Variants in PTPRF observed in about 807,000 individuals in gnomAD.
The protein encoded by PTPRF is protein tyrosine phosphatase receptor type F.
Under a neutral mutation model 201.8 loss-of-function variants are expected in PTPRF, and 59 were observed. That is an observed-to-expected ratio of 0.29 (90% confidence interval 0.24 to 0.36). PTPRF has a LOEUF of 0.36. Ranked by LOEUF, PTPRF falls within the 10% of genes least tolerant of loss-of-function variation. PTPRF has a pLI of 1.00. For missense variants in PTPRF, 2,132 were observed against 2,690.5 expected (o/e 0.79, Z 4.59); for synonymous variants, 1,088 against 1,089.7 (o/e 1.00, Z 0.03).
intron 11 of PTPRF, among the ~76,000 whole-genome samples, chr1:43,593,450 C>T (rs1013928947): frequency 2.6e-5 from 4 of 152,086 alleles, no homozygotes; most frequent in Non-Finnish European, 5.9e-5. Context: ...TGCTGCTGGG[C>T]GTCCTGTGTG....
At chr1:43,568,107 C>A (rs532385097) in intron 5 of PTPRF, among the ~76,000 whole-genome samples, 12 of 152,082 alleles carry the variant, frequency 7.9e-5, no homozygotes, top group African/African-American at 2.4e-4. Context: ...CCCAGCCTGG[C>A]CAACATGGTG....
upstream of PTPRF, among the ~76,000 whole-genome samples, chr1:43,524,612 G>T (rs565913860): frequency 3.9e-5 from 6 of 152,272 alleles, no homozygotes; most frequent in East Asian, 1.2e-3. Flanking sequence ...CAGGGAAGGA[G>T]GGGACAATGG....
rs146782186 is a variant in PTPRF at position 43,586,949 on chromosome 1, A to G, written c.680-1782A>G. On this transcript the variant is annotated intron_variant, in intron 7 of 33. Transcript: ENST00000359947. The stretch of plus-strand genomic sequence containing the variant: ...GGTAGAAGTGGTTTCCTTAAAGACA[A>G]TGGGAATGCTCATTGATTTGAGGAG... Among the ~76,000 whole-genome samples, 362 of 152,320 alleles carry G rather than the reference A, an allele frequency of 2.4e-3. 3 individuals are homozygous for G. Among genetic ancestry groups the G allele is most frequent in the Non-Finnish European group, 2.8e-3 (193 of 68,014 alleles).
upstream of PTPRF, among the ~76,000 whole-genome samples, chr1:43,523,737 A>G (rs1175479636): frequency 6.6e-6 from 1 of 152,200 alleles, no homozygotes; most frequent in Non-Finnish European, 1.5e-5. Flanking sequence ...AATGGCAAAC[A>G]GAACACTCTT....
At chr1:43,531,558 G>C (rs1168705803) in intron 1 of PTPRF, among the ~76,000 whole-genome samples, 100 of 147,264 alleles carry the variant, frequency 6.8e-4, no homozygotes, top group Non-Finnish European at 1.1e-3. Flanking sequence ...CGCCCCCGCC[G>C]CACAGGCGCC....
chr1:43,545,809 T>G (rs1250740105), intron 3 of PTPRF, among the ~76,000 whole-genome samples: 1 of 152,140 alleles, frequency 6.6e-6, no homozygotes. Flanking sequence ...CTGTGTGTGT[T>G]TGTGTTGGAG....
At chr1:43,570,319 C>A (rs928476324) in intron 6 of PTPRF, among the ~76,000 whole-genome samples, 13 of 152,230 alleles carry the variant, frequency 8.5e-5, no homozygotes, top group Non-Finnish European at 1.6e-4. Context: ...GCAAGGATGC[C>A]ATCGTGCAGG....
Position 43,554,182 on chromosome 1 carries a change from C to G in PTPRF, c.379+241C>G, listed in dbSNP as rs532074815. ...TTTGTATTCTCCTGCTGAGCCGGGT[C>G]GTTGGTTGGGTGGGGTCTGGGGTCT... On this transcript the variant is annotated intron_variant, in intron 5 of 33. Transcript: ENST00000359947. This position sits in a 1 kb window ranked among gnomAD's most constrained non-coding sequence, Gnocchi z 4.1. Among the ~76,000 whole-genome samples, 5 of 152,110 alleles carry G rather than the reference C, an allele frequency of 3.3e-5. No homozygotes were observed. The highest frequency in any genetic ancestry group is 1.2e-4 in the African/African-American group (5 of 41,410).
At chr1:43,563,790 G>A (rs1645972428) in intron 5 of PTPRF, among the ~76,000 whole-genome samples, 1 of 152,182 alleles carries the variant, frequency 6.6e-6, no homozygotes. Context: ...GGGAGTGAAT[G>A]GATGACAAGA....
In PTPRF at chr1:43,553,349, G is replaced by T. The variant is rs780830525; in HGVS notation, c.92-143G>T. The stretch of plus-strand genomic sequence containing the variant: ...TGTTAAACTCTCTGAACAGTGCCTG[G>T]CACATACTAAGCGCTACATAAAGGT... On this transcript the variant is annotated intron_variant, in intron 3 of 33. Transcript: ENST00000359947. This position sits in a 1 kb window ranked among gnomAD's most constrained non-coding sequence, Gnocchi z 4.1. The T allele has an allele frequency of 1.2e-4, 109 of 901,660 alleles. No homozygotes were observed. In the Middle Eastern group the frequency reaches 1.6e-3, roughly 13 times the overall value. 55.9% of individuals were successfully genotyped at this position (901,660 alleles called of 1,614,324 possible).
At chr1:43,587,436 T>G (rs1450495092) in intron 7 of PTPRF, among the ~76,000 whole-genome samples, 1 of 152,190 alleles carries the variant, frequency 6.6e-6, no homozygotes, top group East Asian at 1.9e-4. Flanking sequence ...CCTGGTGACT[T>G]GCTGAATGTC....
chr1:43,602,988 A>G (rs527405219), intron 14 of PTPRF, among the ~76,000 whole-genome samples: 1 of 152,264 alleles, frequency 6.6e-6, no homozygotes, highest in African/African-American at 2.4e-5. Context: ...CTGTGCATGC[A>G]TGCACTGGTG....
intron 10 of PTPRF, 139 bp downstream of exon 10, chr1:43,592,087 G>A (rs978113150): frequency 1.1e-5 from 13 of 1,225,510 alleles, no homozygotes; most frequent in Non-Finnish European, 1.3e-5. Context: ...AGGCTTAGTG[G>A]TGCATGCGTG....
At chr1:43,526,661 A>G (rs1210867860), upstream of PTPRF, among the ~76,000 whole-genome samples, 1 of 152,158 alleles carries the variant, frequency 6.6e-6, no homozygotes, top group Non-Finnish European at 1.5e-5. Context: ...ACCTGCCCCC[A>G]GAAGAAAGTG....
At chr1:43,558,463 C>T (rs372419917) in intron 5 of PTPRF, among the ~76,000 whole-genome samples, 1 of 152,118 alleles carries the variant, frequency 6.6e-6, no homozygotes, top group Non-Finnish European at 1.5e-5. Context: ...CCAGTGTGGC[C>T]TCCCCTTGAC....
intron 21 of PTPRF, among the ~76,000 whole-genome samples, chr1:43,607,756 G>T (rs1321675898): frequency 1.3e-5 from 2 of 152,212 alleles, no homozygotes; most frequent in African/African-American, 2.4e-5. Context: ...TGCCCTCTGC[G>T]GATCTCCCTC....
At chr1:43,620,424 G>A (rs1387995264) in intron 30 of PTPRF, 30 bp from the exon 31 acceptor site, 1 of 1,594,342 alleles carries the variant, frequency 6.3e-7, no homozygotes, top group Admixed American at 1.7e-5. Context: ...CTTCTCACCT[G>A]ATTATGGGGG....
intron 7 of PTPRF, among the ~76,000 whole-genome samples, chr1:43,587,819 C>T (rs138169607): frequency 7.9e-5 from 12 of 152,330 alleles, no homozygotes; most frequent in Non-Finnish European, 1.3e-4. Flanking sequence ...CCTCCCTTCC[C>T]TCTGCATGCT....
At chr1:43,551,652 G>A (rs1330805841) in intron 3 of PTPRF, among the ~76,000 whole-genome samples, 1 of 152,170 alleles carries the variant, frequency 6.6e-6, no homozygotes, top group Non-Finnish European at 1.5e-5. Flanking sequence ...TGACTTGCCA[G>A]TCATTTCACC....
Sources: allele counts gnomAD v4.1 joint callset (sites outside exome capture counted in the v4.1 genomes callset), GRCh38; gene constraint gnomAD v4.1.1; non-coding constraint Gnocchi (gnomAD v3.1); transcripts MANE v1.5; gene names NCBI Gene and HGNC (gene_info 2026-07-23, HGNC 2026-07-21).